BTBD9: variants seen among roughly 807,000 people sequenced by gnomAD.
BTBD9 encodes the protein BTB/POZ domain-containing protein 9.
BTBD9 carries 49 observed loss-of-function variants against 64.3 expected under a neutral mutation model. That is an observed-to-expected ratio of 0.76 (90% CI 0.61 to 0.97). BTBD9 has a LOEUF of 0.97. Ranked by LOEUF, BTBD9 falls within the 50% of genes least tolerant of loss-of-function variation. The probability of loss-of-function intolerance (pLI) is 0.00; values close to 1 mark genes in which losing one functional copy is unlikely to be tolerated. For synonymous variants in BTBD9, 260 were observed against 274.7 expected, an observed-to-expected ratio of 0.95 and a Z score of 0.53; for missense variants, 598 against 762.1, an observed-to-expected ratio of 0.78 and a Z score of 2.53.
chr6:38,328,563 C>CTGTGTG (rs1562030590), intron 7 of BTBD9, among the ~76,000 whole-genome samples: 4 of 95,804 alleles, frequency 4.2e-5, no homozygotes, highest in African/African-American at 2.1e-4. Flanking sequence ...ATTTAAGCCA[C>CTGTGTG]CGTGTGTGTG....
chr6:38,179,191 A>T (rs1761429144), intron 10 of BTBD9, among the ~76,000 whole-genome samples: 1 of 152,268 alleles, frequency 6.6e-6, no homozygotes, highest in African/African-American at 2.4e-5. Context: ...AAACTAAAAA[A>T]GTTATTTAAA....
chr6:38,228,677 C>A (rs779428701), intron 9 of BTBD9, among the ~76,000 whole-genome samples: 2 of 150,778 alleles, frequency 1.3e-5, no homozygotes, highest in African/African-American at 2.4e-5. Flanking sequence ...AGATCGAGAC[C>A]ACCCTGGCTA....
chr6:38,348,631 C>T (rs536429389), intron 6 of BTBD9, among the ~76,000 whole-genome samples: 19 of 152,268 alleles, frequency 1.2e-4, no homozygotes, highest in African/African-American at 4.3e-4. Flanking sequence ...CCCTCCCTTC[C>T]CTATGTTAGC....
intron 6 of BTBD9, among the ~76,000 whole-genome samples, chr6:38,423,955 T>C (rs886128891): frequency 1.3e-5 from 2 of 152,018 alleles, no homozygotes; most frequent in African/African-American, 4.8e-5. Context: ...GGCAAGTTAC[T>C]TGACCTTTCA....
chr6:38,214,405 G>A (rs914519300), intron 9 of BTBD9, among the ~76,000 whole-genome samples: 14 of 152,248 alleles, frequency 9.2e-5, no homozygotes, highest in African/African-American at 2.4e-4. Flanking sequence ...GGTGGACAAT[G>A]AGACAGGACA....
chr6:38,177,344 C>T (rs1761317371), intron 10 of BTBD9, among the ~76,000 whole-genome samples: 1 of 152,200 alleles, frequency 6.6e-6, no homozygotes, highest in South Asian at 2.1e-4. Flanking sequence ...CAGCTCTTCC[C>T]CCACCGGCCC....
At chr6:38,220,023 T>C (rs1480424470) in intron 9 of BTBD9, among the ~76,000 whole-genome samples, 1 of 152,194 alleles carries the variant, frequency 6.6e-6, no homozygotes, top group Non-Finnish European at 1.5e-5. Context: ...ACCACGGAAG[T>C]AAATTTGTTA....
intron 4 of BTBD9, among the ~76,000 whole-genome samples, chr6:38,586,888 C>A (rs1464405993): frequency 6.6e-6 from 1 of 151,540 alleles, no homozygotes; most frequent in Admixed American, 6.6e-5. Context: ...CCTGGTGAAA[C>A]CCCATCTCTA....
chr6:38,339,659 A>G (rs1764027888), intron 7 of BTBD9, among the ~76,000 whole-genome samples: 1 of 152,180 alleles, frequency 6.6e-6, no homozygotes, highest in Admixed American at 6.5e-5. Context: ...AGGAGGAAAA[A>G]AAGAGATTAC....
Position 38,264,685 on chromosome 6 carries a change from C to A in BTBD9, c.1455-8169G>T, listed in dbSNP as rs150199321. 4.8e-3 allele frequency among the ~76,000 whole-genome samples: 734 copies of A among 152,324 alleles called. 9 individuals are homozygous for A. Among genetic ancestry groups the A allele is most frequent in the African/African-American group, 0.017 (701 of 41,570 alleles). ...CGTCAGCTGTCACAGGGTTCGATGA[C>A]GTGGCTTCACCCTCAGGTGGGGAGC... On this transcript the variant is annotated intron_variant, in intron 8 of 10. Transcript: ENST00000481247.
At chr6:38,326,172 G>A (rs767754306) in intron 7 of BTBD9, among the ~76,000 whole-genome samples, 16 of 152,196 alleles carry the variant, frequency 1.1e-4, no homozygotes, top group Non-Finnish European at 1.6e-4. Flanking sequence ...GACAAAGTGA[G>A]AGGAAGGATA....
At chr6:38,404,812 T>TA (rs922156863) in intron 6 of BTBD9, among the ~76,000 whole-genome samples, 4 of 152,184 alleles carry the variant, frequency 2.6e-5, no homozygotes, top group Non-Finnish European at 5.9e-5. Context: ...GGTAAAAAGG[T>TA]AGAGCTCAGT....
At chr6:38,600,890 A>C (rs1777217914) in intron 1 of BTBD9, among the ~76,000 whole-genome samples, 1 of 152,204 alleles carries the variant, frequency 6.6e-6, no homozygotes, top group Admixed American at 6.5e-5. Flanking sequence ...CATTTTAATT[A>C]TGTTTTTCCA....
intron 8 of BTBD9, among the ~76,000 whole-genome samples, chr6:38,261,672 C>T (rs1764799264): frequency 6.6e-6 from 1 of 152,156 alleles, no homozygotes; most frequent in Non-Finnish European, 1.5e-5. Flanking sequence ...TTTTTATTAG[C>T]CTAGTCTATC....
chr6:38,225,834 G>T (rs760343419), intron 9 of BTBD9, among the ~76,000 whole-genome samples: 3 of 152,156 alleles, frequency 2.0e-5, no homozygotes, highest in Non-Finnish European at 4.4e-5. Context: ...AATGACATCT[G>T]ATGTTTGTAT....
At chr6:38,367,716 G>A (rs973382036) in intron 6 of BTBD9, among the ~76,000 whole-genome samples, 10 of 139,712 alleles carry the variant, frequency 7.2e-5, no homozygotes, top group African/African-American at 2.7e-4. Context: ...GTGCAAGACT[G>A]ATTTTAAAAT....
chr6:38,536,241 C>T (rs2814883), intron 6 of BTBD9, among the ~76,000 whole-genome samples: 105,152 of 152,018 alleles, frequency 0.69, 37,676 homozygotes, highest in African/African-American at 0.89. Flanking sequence ...ACATCACTGA[C>T]CACCAGAAAA....
At chr6:38,592,491 A>T (rs1033953438) in intron 4 of BTBD9, 85 bp downstream of exon 4, 2 of 1,451,482 alleles carry the variant, frequency 1.4e-6, no homozygotes, top group African/African-American at 2.8e-5. Flanking sequence ...CCTGCACTAC[A>T]CGGTTCTGTA....
At position 38,266,621 on chromosome 6, in the gene BTBD9, A is replaced by AG. The variant is rs1491081508; in HGVS notation, c.1455-10106dup. Among the ~76,000 whole-genome samples the AG allele has an allele frequency of 5.4e-3, 215 of 40,080 alleles. 1 individual carries two copies. The highest frequency in any genetic ancestry group is 2.8e-3 in the Non-Finnish European group (52 of 18,516). The allele number at this position is 40,080 out of a possible 152,430, so 26.3% of individuals were successfully genotyped here. A position where few individuals can be genotyped will look rare whatever the true frequency, so the allele number is the denominator to read the frequency against. On this transcript the variant is annotated intron_variant, in intron 8 of 10. Transcript: ENST00000481247. ...GGAAAGAAAGGAAAGAAAGAAAGAA[A>AG]GAAAGAAAGAAAGAAAGAAAGAAAG...
Sources: allele counts gnomAD v4.1 joint callset (sites outside exome capture counted in the v4.1 genomes callset), GRCh38; gene constraint gnomAD v4.1.1; transcripts MANE v1.5; gene names NCBI Gene and HGNC (gene_info 2026-07-23, HGNC 2026-07-21).